Variants in SPDYA observed in about 807,000 individuals in gnomAD.
SPDYA encodes speedy/RINGO cell cycle regulator family member A.
A neutral mutation model predicts 36.7 loss-of-function variants in SPDYA; 11 were observed. That is an observed-to-expected ratio of 0.30 (90% CI 0.19 to 0.50). The LOEUF is 0.50. SPDYA is among the 20% of genes least tolerant of loss of function. SPDYA has a pLI of 0.98. For synonymous variants in SPDYA, 115 were observed against 118.7 expected (o/e 0.97, Z 0.20); for missense variants, 287 against 370.9 (o/e 0.77, Z 1.86).
chr2:28,827,235 G>A (rs915485628), intron 5 of SPDYA, among the ~76,000 whole-genome samples: 2 of 152,006 alleles, frequency 1.3e-5, no homozygotes, highest in South Asian at 4.2e-4. Flanking sequence ...CCACCGAGCC[G>A]GGCCAATCTT....
intron 6 of SPDYA, among the ~76,000 whole-genome samples, chr2:28,837,839 A>G (rs1409986023): frequency 6.7e-6 from 1 of 150,098 alleles, no homozygotes; most frequent in East Asian, 1.9e-4. Context: ...GGAGAAGCTG[A>G]CTGGGTTGGT....
rs1413255942 is a variant in SPDYA, at chr2:28,829,375, A to G, written c.552+56A>G. ...ATCTTTGTTTTCTGTTTATCTTATT[A>G]TCCTTGTTTTTTAATGTGCTTCTAA... is the stretch of plus-strand genomic sequence containing the variant. On this transcript the variant is annotated intron_variant, in intron 6 of 7. Transcript: ENST00000334056. 6 of 1,511,052 alleles carry G rather than the reference A, an allele frequency of 4.0e-6. No individual in the cohort carries two copies. In the East Asian group the frequency reaches 1.4e-4, roughly 35 times the overall value. The allele number at this position is 1,511,052 out of a possible 1,614,324, so 93.6% of individuals were successfully genotyped here.
intron 7 of SPDYA, chr2:28,840,782 TA>T: frequency 9.6e-7 from 1 of 1,038,636 alleles, no homozygotes; most frequent in African/African-American, 1.7e-5. Context: ...AAGAAGAAAA[TA>T]AATTTACTTG....
intron 6 of SPDYA, among the ~76,000 whole-genome samples, chr2:28,838,176 G>T (rs369099969): frequency 9.8e-6 from 1 of 102,546 alleles, no homozygotes; most frequent in Admixed American, 1.4e-4. Context: ...TAGAAGTAAC[G>T]GATTTTTTTT....
intron 6 of SPDYA, among the ~76,000 whole-genome samples, chr2:28,839,630 T>C (rs1668699008): frequency 6.6e-6 from 1 of 152,076 alleles, no homozygotes; most frequent in South Asian, 2.1e-4. Context: ...GCCTCCTGAG[T>C]AGCTGGGACT....
At position 28,850,014 on chromosome 2, in the gene SPDYA, T is replaced by C. The variant is rs1669004207; in HGVS notation, c.*73T>C. The C allele has an allele frequency of 7.6e-7, 1 of 1,317,838 alleles. No individual in the cohort carries two copies. The highest frequency in any genetic ancestry group is 1.1e-6 in the Non-Finnish European group (1 of 934,380). The allele number at this position is 1,317,838 out of a possible 1,614,324, so 81.6% of individuals were successfully genotyped here. On this transcript the variant is annotated 3_prime_UTR_variant, in exon 8 of 8. Transcript: ENST00000334056. ...ACTAACTGCAAGACAAGTGTCAAAA[T>C]GGGATGTTTAAGCAGTTTTGCTATG...
At chr2:28,818,233 C>G (rs929966031) in intron 3 of SPDYA, among the ~76,000 whole-genome samples, 2 of 152,120 alleles carry the variant, frequency 1.3e-5, no homozygotes, top group South Asian at 4.1e-4. Context: ...ATTCTTGGAA[C>G]TTTCCGTATG....
At chr2:28,838,271 T>A (rs1044135651) in intron 6 of SPDYA, among the ~76,000 whole-genome samples, 8 of 146,422 alleles carry the variant, frequency 5.5e-5, no homozygotes, top group South Asian at 2.3e-4. Flanking sequence ...AACCTCCACC[T>A]CCCAGGTTCA....
At chr2:28,819,820 TAAAAA>T (rs1174507151) in intron 4 of SPDYA, among the ~76,000 whole-genome samples, 103 of 17,172 alleles carry the variant, frequency 6.0e-3, no homozygotes, top group East Asian at 0.025. Context: ...CCTGGTCTCT[TAAAAA>T]AAAAAAAAAA....
chr2:28,816,901 T>G (rs1467707384), intron 3 of SPDYA, among the ~76,000 whole-genome samples: 2 of 151,578 alleles, frequency 1.3e-5, no homozygotes, highest in African/African-American at 2.4e-5. Flanking sequence ...GTAAACAGAT[T>G]AGAAAAAGGG....
intron 6 of SPDYA, among the ~76,000 whole-genome samples, chr2:28,833,175 T>C (rs1334257148): frequency 6.6e-6 from 1 of 152,172 alleles, no homozygotes; most frequent in Non-Finnish European, 1.5e-5. Flanking sequence ...TAATTTTTTT[T>C]TTAGGTAAGT....
In SPDYA at chr2:28,850,422, T is replaced by A. The variant is rs1669028253; in HGVS notation, c.*481T>A. 6.7e-7 allele frequency: 1 copy of A among 1,501,266 alleles called. No homozygotes were observed. Among genetic ancestry groups the A allele is most frequent in the African/African-American group, 1.4e-5 (1 of 72,118 alleles). The allele number at this position is 1,501,266 out of a possible 1,614,324, so 93.0% of individuals were successfully genotyped here. A position where few individuals can be genotyped will look rare whatever the true frequency, so the allele number is the denominator to read the frequency against. On this transcript the variant is annotated 3_prime_UTR_variant, in exon 8 of 8. Transcript: ENST00000334056. ...GCGATTCTTCTGTTGTAAAAAAATATATGTACTATAAGCTACATAAAATAT... is the reference window on the plus strand; with the variant it reads ...GCGATTCTTCTGTTGTAAAAAAATAAATGTACTATAAGCTACATAAAATAT...
At chr2:28,825,170 A>G (rs1260705165) in intron 5 of SPDYA, among the ~76,000 whole-genome samples, 1 of 152,108 alleles carries the variant, frequency 6.6e-6, no homozygotes. Context: ...GCCATCAACC[A>G]CTAAGTTAAA....
At chr2:28,812,293 C>A (rs1667866049) in intron 1 of SPDYA, among the ~76,000 whole-genome samples, 1 of 152,036 alleles carries the variant, frequency 6.6e-6, no homozygotes, top group African/African-American at 2.4e-5. Flanking sequence ...ACTTGCCTGT[C>A]CTGACTGAGT....
intron 7 of SPDYA, among the ~76,000 whole-genome samples, chr2:28,849,575 GC>G (rs985687289): frequency 6.6e-6 from 1 of 152,202 alleles, no homozygotes; most frequent in African/African-American, 2.4e-5. Context: ...ACTGTGCCCA[GC>G]CCCCAAACAT....
At chr2:28,822,035 G>T (rs890164020) in intron 4 of SPDYA, among the ~76,000 whole-genome samples, 3 of 152,104 alleles carry the variant, frequency 2.0e-5, no homozygotes, top group African/African-American at 7.2e-5. Context: ...TTTCTGTATA[G>T]GTTTGAAATT....
Position 28,846,115 on chromosome 2 carries a change from T to A in SPDYA, c.851-3735T>A, listed in dbSNP as rs182690938. ...CCAAGTCAACAGATAAAACAATACA[T>A]GACCCTTGGCTGGGCATGGTGGCTC... On this transcript the variant is annotated intron_variant, in intron 7 of 7. Transcript: ENST00000334056. Among the ~76,000 whole-genome samples the A allele has an allele frequency of 5.4e-3, 822 of 152,000 alleles. 6 individuals carry two copies. The highest frequency in any genetic ancestry group is 0.019 in the African/African-American group (777 of 41,496).
intron 4 of SPDYA, 71 bp downstream of exon 4, chr2:28,819,177 C>A: frequency 8.8e-7 from 1 of 1,142,214 alleles, no homozygotes; most frequent in Non-Finnish European, 1.3e-6. Context: ...TTTAATGAGA[C>A]CTTATAAGAA....
intron 6 of SPDYA, among the ~76,000 whole-genome samples, chr2:28,838,666 C>T (rs534535136): frequency 6.6e-6 from 1 of 152,160 alleles, no homozygotes; most frequent in South Asian, 2.1e-4. Context: ...CTATGATGAA[C>T]TTATTGCAAA....
Sources: allele counts gnomAD v4.1 joint callset (sites outside exome capture counted in the v4.1 genomes callset), GRCh38; gene constraint gnomAD v4.1.1; transcripts MANE v1.5; gene names NCBI Gene and HGNC (gene_info 2026-07-23, HGNC 2026-07-21).